The following CTNNA3 variants were observed in gnomAD, a reference collection of about 807,000 sequenced individuals.
The protein encoded by CTNNA3 is catenin alpha 3, also known as catenin alpha-3.
In CTNNA3, 76 loss-of-function variants were observed where a neutral mutation model predicts 95.7. The observed-to-expected ratio is 0.79, with a 90% confidence interval of 0.66 to 0.96. The LOEUF (loss-of-function observed/expected upper bound fraction) is 0.96, where lower values mean the gene tolerates loss of function less well. Among genes scored for constraint, CTNNA3 ranks in the 40% least tolerant of loss-of-function variants. CTNNA3 has a pLI of 0.00. For synonymous variants in CTNNA3, 431 were observed against 374.4 expected, an observed-to-expected ratio of 1.15 and a Z score of -1.74; for missense variants, 1,191 against 1,089.8, an observed-to-expected ratio of 1.09 and a Z score of -1.31.
intron 14 of CTNNA3, among the ~76,000 whole-genome samples, chr10:66,097,310 T>C (rs888792539): frequency 1.3e-5 from 2 of 152,086 alleles, no homozygotes; most frequent in Non-Finnish European, 2.9e-5. Context: ...AGCTACTCAA[T>C]AAAAAGTCAA....
At chr10:66,685,352 T>TATATATA (rs1387088025) in intron 9 of CTNNA3, among the ~76,000 whole-genome samples, 5 of 10,248 alleles carry the variant, frequency 4.9e-4, no homozygotes, top group East Asian at 2.5e-3. Context: ...TATATATATA[T>TATATATA]TTTTTTTTTT....
chr10:66,557,695 G>C (rs1842433208), intron 10 of CTNNA3, among the ~76,000 whole-genome samples: 2 of 152,086 alleles, frequency 1.3e-5, no homozygotes, highest in African/African-American at 4.8e-5. Context: ...CCCACAACTG[G>C]AGTTCCTATA....
At chr10:66,095,523 T>C (rs1028483121) in intron 14 of CTNNA3, among the ~76,000 whole-genome samples, 1 of 152,164 alleles carries the variant, frequency 6.6e-6, no homozygotes, top group Admixed American at 6.6e-5. Context: ...AAATTTGAGT[T>C]ATTGAGAGTA....
chr10:66,114,101 G>A (rs1336000640), intron 13 of CTNNA3, among the ~76,000 whole-genome samples: 1 of 152,114 alleles, frequency 6.6e-6, no homozygotes, highest in African/African-American at 2.4e-5. Context: ...CCGGTGCCAT[G>A]AATATCAGAC....
chr10:66,403,028 A>C (rs2093032116), intron 11 of CTNNA3, among the ~76,000 whole-genome samples: 1 of 152,160 alleles, frequency 6.6e-6, no homozygotes, highest in Non-Finnish European at 1.5e-5. Flanking sequence ...CCAATTGCAA[A>C]TCAGAAAATC....
At chr10:67,449,465 T>C (rs566677246) in intron 5 of CTNNA3, among the ~76,000 whole-genome samples, 1 of 152,138 alleles carries the variant, frequency 6.6e-6, no homozygotes, top group East Asian at 1.9e-4. Flanking sequence ...AACAGCATGG[T>C]AGTGTTACAA....
intron 17 of CTNNA3, among the ~76,000 whole-genome samples, chr10:65,957,181 A>C (rs2077748851): frequency 6.6e-6 from 1 of 152,106 alleles, no homozygotes; most frequent in Non-Finnish European, 1.5e-5. Flanking sequence ...TTTGGTTTCA[A>C]GTCTGTTTTA....
In CTNNA3 at chr10:66,188,944, G is replaced by A. The variant is rs1384784954; in HGVS notation, c.1885-85695C>T. 2.6e-5 allele frequency among the ~76,000 whole-genome samples: 4 copies of A among 151,866 alleles called. No homozygotes were observed. The East Asian group carries it at 7.8e-4, about 29-fold the overall frequency. On this transcript the variant is annotated intron_variant, in intron 13 of 17. Coordinates refer to ENST00000433211, the MANE Select transcript of CTNNA3 (RefSeq NM_013266.4). ...CCTAACAAGTGTGAGGTAATATCTC[G>A]TTGTGGTGTTGACTTGCATTTCCCT...
intron 7 of CTNNA3, among the ~76,000 whole-genome samples, chr10:67,166,327 G>T (rs1861768288): frequency 6.6e-6 from 1 of 152,048 alleles, no homozygotes; most frequent in Non-Finnish European, 1.5e-5. Context: ...TCATTAAAAT[G>T]GAATTCTGCA....
intron 14 of CTNNA3, among the ~76,000 whole-genome samples, chr10:66,097,254 G>T (rs10822717): frequency 0.14 from 21,190 of 152,110 alleles, 1,908 homozygotes; most frequent in Admixed American, 0.23. Flanking sequence ...AAACCAAGTA[G>T]TCCCATATCA....
chr10:66,349,159 T>C (rs1182187143), intron 12 of CTNNA3, among the ~76,000 whole-genome samples: 1 of 152,092 alleles, frequency 6.6e-6, no homozygotes, highest in Non-Finnish European at 1.5e-5. Context: ...AGCAACTTTG[T>C]TGGGGAAATC....
At chr10:67,611,747 C>T (rs1287925103) in intron 2 of CTNNA3, among the ~76,000 whole-genome samples, 1 of 152,164 alleles carries the variant, frequency 6.6e-6, no homozygotes, top group Non-Finnish European at 1.5e-5. Context: ...TAACAGCCAT[C>T]TCTTTTCTTG....
At chr10:67,313,857 G>T (rs756815844) in intron 5 of CTNNA3, among the ~76,000 whole-genome samples, 60 of 152,064 alleles carry the variant, frequency 3.9e-4, no homozygotes, top group Non-Finnish European at 1.3e-4. Flanking sequence ...AAAAGAAGAG[G>T]GTCATACTAG....
chr10:66,840,356 TCTCTCTCTCTCTCTCTCACACACA>T lies in CTNNA3; in HGVS notation c.1048-64856_1048-64833del, dbSNP rs1348997398. Among the ~76,000 whole-genome samples, 299 of 123,088 alleles carry T rather than the reference TCTCTCTCTCTCTCTCTCACACACA, an allele frequency of 2.4e-3. 2 individuals carry two copies. The highest frequency in any genetic ancestry group is 0.011 in the African/African-American group (282 of 25,598). The allele number at this position is 123,088 out of a possible 152,430, so 80.8% of individuals were successfully genotyped here. On this transcript the variant is annotated intron_variant, in intron 7 of 17. Transcript: ENST00000433211. ...CTCTCTCTCTCTCTCTCTCTCTCTC[TCTCTCTCTCTCTCTCTCACACACA>T]CACACACACACACACACACACACAC... is the stretch of plus-strand genomic sequence containing the variant.
intron 5 of CTNNA3, among the ~76,000 whole-genome samples, chr10:67,331,939 C>T (rs1181794898): frequency 2.0e-5 from 3 of 152,076 alleles, no homozygotes; most frequent in African/African-American, 7.2e-5. Flanking sequence ...AAAATAATTA[C>T]TTAATGAGAG....
intron 8 of CTNNA3, among the ~76,000 whole-genome samples, chr10:66,773,276 T>C (rs1840168478): frequency 6.6e-6 from 1 of 152,186 alleles, no homozygotes; most frequent in South Asian, 2.1e-4. Flanking sequence ...TTCTGCCTAC[T>C]CCTATTGAAC....
chr10:66,164,038 G>C (rs1450361024), intron 13 of CTNNA3, among the ~76,000 whole-genome samples: 1 of 152,110 alleles, frequency 6.6e-6, no homozygotes, highest in African/African-American at 2.4e-5. Flanking sequence ...TTCCTTAAGA[G>C]GGTTCATACT....
intron 7 of CTNNA3, among the ~76,000 whole-genome samples, chr10:66,820,294 A>G (rs1842260300): frequency 6.6e-6 from 1 of 152,154 alleles, no homozygotes; most frequent in Non-Finnish European, 1.5e-5. Flanking sequence ...CCTATAAAGT[A>G]CAGAAAGTGG....
At chr10:66,299,502 T>C (rs2091830350) in intron 12 of CTNNA3, among the ~76,000 whole-genome samples, 1 of 152,164 alleles carries the variant, frequency 6.6e-6, no homozygotes, top group East Asian at 1.9e-4. Context: ...TTAATTCCAA[T>C]GAACCATGCA....
Sources: allele counts gnomAD v4.1 joint callset (sites outside exome capture counted in the v4.1 genomes callset), GRCh38; gene constraint gnomAD v4.1.1; transcripts MANE v1.5; gene names NCBI Gene and HGNC (gene_info 2026-07-23, HGNC 2026-07-21).